CLCA2: variants seen among roughly 807,000 people sequenced by gnomAD.
The protein encoded by CLCA2 is calcium-activated chloride channel regulator 2.
A neutral mutation model predicts 82.9 loss-of-function variants in CLCA2; 85 were observed. That is an observed-to-expected ratio of 1.03 (90% CI 0.86 to 1.23). The LOEUF is 1.23. Ranked by LOEUF, CLCA2 falls within the 50% of genes most tolerant of loss-of-function variation. The pLI is 0.00. For missense variants in CLCA2, 1,089 were observed against 1,124.8 expected (o/e 0.97, Z 0.45); for synonymous variants, 421 against 391.7 (o/e 1.07, Z -0.88).
At chr1:86,441,613 C>T (rs996604801) in intron 9 of CLCA2, 70 bp downstream of exon 9, 21 of 1,002,026 alleles carry the variant, frequency 2.1e-5, no homozygotes, top group Admixed American at 1.1e-4. Flanking sequence ...GGGAAATCAA[C>T]GAATTGTGCT....
chr1:86,428,560 G>C lies in CLCA2; in HGVS notation c.467G>C (p.Gly156Ala), dbSNP rs1282558316. The part of the protein sequence containing the change: ...LLNDNLTAGY[G>A]SRGRVFVHEW... Reference sequence around the variant, plus strand: ...AATGATAACTTAACAGCTGGCTACGGATCACGAGGTAAGTGGGACCAATAA... The same window carrying C: ...AATGATAACTTAACAGCTGGCTACGCATCACGAGGTAAGTGGGACCAATAA... Residue 156 changes from glycine (G) to alanine (A), a missense_variant, in exon 3 of 14, where the codon GGA becomes GCA. Transcript: ENST00000370565. The C allele has an allele frequency of 6.2e-7, 1 of 1,613,030 alleles. No homozygotes were observed. Among genetic ancestry groups the C allele is most frequent in the Non-Finnish European group, 8.5e-7 (1 of 1,179,402 alleles).
intron 2 of CLCA2, among the ~76,000 whole-genome samples, chr1:86,427,469 T>C (rs906255374): frequency 8.6e-5 from 13 of 151,986 alleles, no homozygotes; most frequent in South Asian, 2.1e-4. Context: ...TGTAGAAACA[T>C]GGAAAATAAA....
chr1:86,430,734 G>C, intron 3 of CLCA2, 128 bp from the exon 4 acceptor site: 1 of 711,082 alleles, frequency 1.4e-6, no homozygotes, highest in Non-Finnish European at 2.5e-6. Flanking sequence ...GGGAGAGAGG[G>C]AAGTAACTTA....
intron 3 of CLCA2, among the ~76,000 whole-genome samples, chr1:86,430,602 A>G (rs1272801530): frequency 1.3e-5 from 2 of 152,218 alleles, no homozygotes; most frequent in Admixed American, 1.3e-4. Context: ...ACTAGCTTCA[A>G]ATAGATGTGC....
intron 10 of CLCA2, among the ~76,000 whole-genome samples, chr1:86,444,921 G>A (rs899020509): frequency 9.9e-5 from 15 of 151,900 alleles, no homozygotes; most frequent in African/African-American, 3.1e-4. Flanking sequence ...TGTTGAGATG[G>A]AGTCTCGCTC....
intron 13 of CLCA2, among the ~76,000 whole-genome samples, chr1:86,454,809 A>T (rs1663039902): frequency 6.6e-6 from 1 of 152,084 alleles, no homozygotes; most frequent in African/African-American, 2.4e-5. Flanking sequence ...ACAAAACAAA[A>T]ACAAAAACAA....
At position 86,450,682 on chromosome 1, in the gene CLCA2, C is replaced by G. The variant is rs1305915263; in HGVS notation, c.2104C>G (p.His702Asp). The G allele has an allele frequency of 3.1e-6, 5 of 1,613,250 alleles. No homozygotes were observed. The highest frequency in any genetic ancestry group is 3.3e-5 in the Admixed American group (2 of 59,942). ...NHSPSISTPA[H>D]SIPGSHAMYV... ...CTCTCCCAGCATAAGCACCCCAGCC[C>G]ACTCTATTCCAGGGAGTCATGCTAT... The change falls in exon 12 of 14, where the codon CAC becomes GAC. Residue 702 changes from histidine to aspartate, a missense_variant. Transcript: ENST00000370565.
chr1:86,427,577 A>AG, intron 2 of CLCA2, among the ~76,000 whole-genome samples: 1 of 140,334 alleles, frequency 7.1e-6, no homozygotes, highest in Admixed American at 7.2e-5. Flanking sequence ...CACACACAAA[A>AG]CACATATACA....
At position 86,436,202 on chromosome 1, in the gene CLCA2, C is replaced by T. The variant is rs1379633815; in HGVS notation, c.972+1457C>T. On this transcript the variant is annotated intron_variant, in intron 6 of 13. Transcript: ENST00000370565. ...TCTTGAGGTTATTTCTGGTCTATTG[C>T]ATCTGTATGGATGTGCTACTACAAT... Among the ~76,000 whole-genome samples, 7 of 152,306 alleles carry T rather than the reference C, an allele frequency of 4.6e-5. No homozygotes were observed. The East Asian group carries it at 1.4e-3, about 29-fold the overall frequency.
Position 86,444,254 on chromosome 1 carries a change from A to T in CLCA2, c.1713+243A>T, listed in dbSNP as rs186405549. 1.1e-4 allele frequency among the ~76,000 whole-genome samples: 16 copies of T among 152,358 alleles called. No homozygotes were observed. In the East Asian group the frequency reaches 2.9e-3, roughly 28 times the overall value. ...ACTGAAAATTAGTATTTCCACTAGTATTACAATTAATGTTTTTCTAGCCTA... is the reference window on the plus strand; with the variant it reads ...ACTGAAAATTAGTATTTCCACTAGTTTTACAATTAATGTTTTTCTAGCCTA... On this transcript the variant is annotated intron_variant, in intron 10 of 13. Transcript: ENST00000370565.
Position 86,455,318 on chromosome 1 carries a change from C to G in CLCA2, c.2623C>G (p.Gln875Glu), listed in dbSNP as rs1421628951. 1.9e-6 allele frequency: 3 copies of G among 1,613,836 alleles called. No homozygotes were observed. Among genetic ancestry groups the G allele is most frequent in the African/African-American group, 1.3e-5 (1 of 74,918 alleles). The change falls in exon 14 of 14, where the codon CAG becomes GAG. Residue 875 changes from glutamine (Q) to glutamate (E), a missense_variant. Coordinates refer to ENST00000370565, the MANE Select transcript of CLCA2 (RefSeq NM_006536.7). ...AIRAMDRNSLQSAVSNIAQAP... is the reference protein window; with the variant it reads ...AIRAMDRNSLESAVSNIAQAP... ...ACGAGCAATGGATAGGAACTCCTTA[C>G]AGTCTGCTGTATCTAACATTGCCCA... is the stretch of plus-strand genomic sequence containing the variant.
intron 1 of CLCA2, 33 bp downstream of exon 1, chr1:86,424,466 C>T (rs367717363): frequency 5.1e-6 from 8 of 1,569,510 alleles, no homozygotes; most frequent in South Asian, 2.4e-5. Flanking sequence ...ATACTAGCAT[C>T]CCATTTGATC....
At chr1:86,453,655 A>G in intron 13 of CLCA2, 53 bp downstream of exon 13, 1 of 1,469,926 alleles carries the variant, frequency 6.8e-7, no homozygotes, top group South Asian at 1.2e-5. Context: ...ATTTCTAATA[A>G]CTAGGTCAGG....
Position 86,455,822 on chromosome 1 carries a change from G to A in CLCA2, c.*295G>A. The A allele has an allele frequency of 5.8e-6, 1 of 173,566 alleles. No individual in the cohort carries two copies. Among genetic ancestry groups the A allele is most frequent in the Non-Finnish European group, 1.2e-5 (1 of 82,584 alleles). 10.8% of individuals were successfully genotyped at this position (173,566 alleles called of 1,614,324 possible). Reference sequence around the variant, plus strand: ...GTCAAGGAAAGTTTGTTTTATTGAGGTGGAAAAATAGCCCCAAGCAGAGAA... The same window carrying A: ...GTCAAGGAAAGTTTGTTTTATTGAGATGGAAAAATAGCCCCAAGCAGAGAA... On this transcript the variant is annotated 3_prime_UTR_variant, in exon 14 of 14. Coordinates refer to ENST00000370565, the MANE Select transcript of CLCA2 (RefSeq NM_006536.7).
At position 86,425,449 on chromosome 1, in the gene CLCA2, C is replaced by A; in HGVS notation, c.297C>A (p.Ser99Arg). The change falls in exon 2 of 14, where the codon AGC becomes AGA. Residue 99 changes from serine (S) to arginine (R), a missense_variant. Transcript: ENST00000370565. ...CCACATGGAAAGCTAATAATAACAG[C>A]AAAATAAAACAAGAATCATATGAAA... is the stretch of plus-strand genomic sequence containing the variant. The part of the protein sequence containing the change: ...IPATWKANNN[S>R]KIKQESYEKA... 4.6e-6 allele frequency: 7 copies of A among 1,538,448 alleles called. No individual in the cohort carries two copies. Among genetic ancestry groups the A allele is most frequent in the Admixed American group, 2.0e-5 (1 of 51,144 alleles).
At chr1:86,443,149 C>T (rs371379313) in intron 9 of CLCA2, among the ~76,000 whole-genome samples, 68 of 152,174 alleles carry the variant, frequency 4.5e-4, no homozygotes, top group African/African-American at 1.6e-3. Context: ...GCCTCAGTCT[C>T]CCGAGCACCT....
intron 10 of CLCA2, among the ~76,000 whole-genome samples, chr1:86,446,290 G>A (rs1261917401): frequency 7.1e-6 from 1 of 140,058 alleles, no homozygotes; most frequent in Non-Finnish European, 1.5e-5. Context: ...TTACATACCA[G>A]ACCCTTCATG....
rs1359833921 is a variant in CLCA2 at position 86,455,242 on chromosome 1, A to G, written c.2547A>G (p.Glu849=). The change falls in exon 14 of 14, where the codon GAA becomes GAG. Residue 849 remains glutamate, a synonymous_variant. Coordinates refer to ENST00000370565, the MANE Select transcript of CLCA2 (RefSeq NM_006536.7). ...FSPQISTNGP[E]HQPNGETHES... is the part of the protein sequence containing the mutation. The stretch of plus-strand genomic sequence containing the variant: ...CCCAAATTTCCACGAATGGACCTGA[A>G]CATCAGCCAAATGGAGAAACACATG... 6 of 1,614,176 alleles carry G rather than the reference A, an allele frequency of 3.7e-6. No homozygotes were observed. Among genetic ancestry groups the G allele is most frequent in the Non-Finnish European group, 4.2e-6 (5 of 1,180,028 alleles).
Position 86,424,306 on chromosome 1 carries a change from T to C in CLCA2, c.59T>C (p.Val20Ala). Residue 20 changes from valine (V) to alanine (A), a missense_variant, in exon 1 of 14, where the codon GTT (valine) becomes GCT (alanine). Coordinates refer to ENST00000370565, the MANE Select transcript of CLCA2 (RefSeq NM_006536.7). ...ICNLKFVTLL[V>A]ALSSELPFLG... ...AACCTGAAGTTTGTGACTCTCCTGG[T>C]TGCCTTAAGTTCAGAACTCCCATTC... 6.2e-7 allele frequency: 1 copy of C among 1,613,972 alleles called. No individual in the cohort carries two copies. Among genetic ancestry groups the C allele is most frequent in the Non-Finnish European group, 8.5e-7 (1 of 1,179,918 alleles).
Sources: allele counts gnomAD v4.1 joint callset (sites outside exome capture counted in the v4.1 genomes callset), GRCh38; gene constraint gnomAD v4.1.1; transcripts MANE v1.5; gene names NCBI Gene and HGNC (gene_info 2026-07-23, HGNC 2026-07-21).